The following RTN4 variants were observed in gnomAD, a reference collection of about 807,000 sequenced individuals.
RTN4 encodes the protein reticulon 4.
RTN4 carries 32 observed loss-of-function variants against 90.4 expected under a neutral mutation model. The observed-to-expected ratio is 0.35, with a 90% CI of 0.27 to 0.48. The LOEUF (loss-of-function observed/expected upper bound fraction) is 0.48, where lower values mean the gene tolerates loss of function less well. Among genes scored for constraint, RTN4 ranks in the 20% least tolerant of loss-of-function variants. The probability of loss-of-function intolerance (pLI) is 0.99; values close to 1 mark genes in which losing one functional copy is unlikely to be tolerated. For synonymous variants in RTN4, 629 were observed against 552.5 expected (o/e 1.14, Z -1.94); for missense variants, 1,706 against 1,430.2 (o/e 1.19, Z -3.11).
At position 54,980,607 on chromosome 2, in the gene RTN4, CGTGTTTAT is replaced by C. The variant is rs529480046; in HGVS notation, c.3360+1900_3360+1907del. ...ATGACTTTTGGTGTATCTCTGTTGC[CGTGTTTAT>C]TGAATCTATAAAAACAACAAGCATC... On this transcript the variant is annotated intron_variant, in intron 5 of 8. Coordinates refer to ENST00000337526, the MANE Select transcript of RTN4 (RefSeq NM_020532.5). Among the ~76,000 whole-genome samples, 513 of 152,266 alleles carry C rather than the reference CGTGTTTAT, an allele frequency of 3.4e-3. 9 individuals are homozygous for C. Among genetic ancestry groups the C allele is most frequent in the Non-Finnish European group, 3.0e-3 (206 of 68,018 alleles).
chr2:55,121,922 G>A, the RTN4 span, among the ~76,000 whole-genome samples: 1 of 152,032 alleles, frequency 6.6e-6, no homozygotes, highest in Non-Finnish European at 1.5e-5. Flanking sequence ...CAAAAAGATT[G>A]CTAGAGTACA....
At chr2:55,107,939 C>T (rs1207102387) in intron 1 of RTN4, among the ~76,000 whole-genome samples, 1 of 152,024 alleles carries the variant, frequency 6.6e-6, no homozygotes, top group South Asian at 2.1e-4. Context: ...CACACGTTTC[C>T]CATCCTGTTA....
rs145915356 is a variant in RTN4 at position 55,067,311 on chromosome 2, A to G, written c.-63+13178T>C. On this transcript the variant is annotated intron_variant, in intron 2 of 3. Coordinates refer to the RTN4 transcript ENST00000427710. ...TGCATGTAAAAACACTTTGGAAAGT[A>G]CAAAGCACCATCGAAATGGAGTCAT... Among the ~76,000 whole-genome samples, 519 of 152,336 alleles carry G rather than the reference A, an allele frequency of 3.4e-3. 2 individuals carry two copies. Among genetic ancestry groups the G allele is most frequent in the African/African-American group, 0.012 (490 of 41,574 alleles).
Position 55,029,970 on chromosome 2 carries a change from TGAAATTTGA to T in RTN4, c.557-1759_557-1751del, listed in dbSNP as rs142677549. The stretch of plus-strand genomic sequence containing the variant: ...AATGAATTATTAGCTTGTATAAAAC[TGAAATTTGA>T]GGGTCAAAGAGCAGAACCAAATAAT... On this transcript the variant is annotated intron_variant, in intron 1 of 8. Transcript: ENST00000337526. Among the ~76,000 whole-genome samples the T allele has an allele frequency of 7.3e-3, 1,109 of 152,274 alleles. 11 individuals carry two copies. Among genetic ancestry groups the T allele is most frequent in the Non-Finnish European group, 0.012 (809 of 68,004 alleles).
At chr2:55,098,416 T>C (rs1343884641) in intron 1 of RTN4, among the ~76,000 whole-genome samples, 1 of 152,104 alleles carries the variant, frequency 6.6e-6, no homozygotes, top group Non-Finnish European at 1.5e-5. Context: ...AACAGAATAA[T>C]AATAAACCTC....
chr2:54,992,398 A>G (rs548505638), intron 3 of RTN4, among the ~76,000 whole-genome samples: 1 of 152,364 alleles, frequency 6.6e-6, no homozygotes, highest in South Asian at 2.1e-4. Flanking sequence ...GTAGGCAGAT[A>G]ATTACAACAT....
chr2:55,110,175 G>T (rs1165012879), intron 1 of RTN4, among the ~76,000 whole-genome samples: 1 of 151,962 alleles, frequency 6.6e-6, no homozygotes, highest in Non-Finnish European at 1.5e-5. Context: ...GCCAGGTATG[G>T]TGGCCTATGT....
chr2:54,982,468 A>G (rs1678215745), intron 5 of RTN4, 47 bp downstream of exon 5: 1 of 1,529,588 alleles, frequency 6.5e-7, no homozygotes. Flanking sequence ...AACTCTCTTG[A>G]TACTAAATTC....
chr2:55,102,410 C>T (rs112500265), intron 1 of RTN4, among the ~76,000 whole-genome samples: 2 of 152,182 alleles, frequency 1.3e-5, no homozygotes, highest in South Asian at 2.1e-4. Context: ...TGTTGTTTTA[C>T]GGCAAAACAG....
the RTN4 span, among the ~76,000 whole-genome samples, chr2:55,132,838 T>G: frequency 1.0e-4 from 15 of 148,764 alleles, 1 homozygote; most frequent in African/African-American, 3.0e-4. Context: ...AATTGAAAAT[T>G]AAAAATAAAT....
At chr2:55,059,473 C>T (rs938427382) in intron 2 of RTN4, among the ~76,000 whole-genome samples, 10 of 152,064 alleles carry the variant, frequency 6.6e-5, no homozygotes, top group African/African-American at 2.4e-4. Context: ...CCCACCTCAG[C>T]CTCCGGAGTA....
intron 1 of RTN4, among the ~76,000 whole-genome samples, chr2:55,109,623 G>C (rs750427410): frequency 2.6e-5 from 4 of 151,314 alleles, no homozygotes; most frequent in Non-Finnish European, 5.9e-5. Flanking sequence ...TTTTAGAAAA[G>C]GAAGCACTGG....
At chr2:55,067,688 T>C (rs551474528) in intron 2 of RTN4, among the ~76,000 whole-genome samples, 2 of 152,328 alleles carry the variant, frequency 1.3e-5, no homozygotes, top group South Asian at 2.1e-4. Flanking sequence ...GTGCTGGGAT[T>C]ACAGGCGTGA....
intron 3 of RTN4, among the ~76,000 whole-genome samples, chr2:55,015,182 G>C (rs1680943058): frequency 6.6e-6 from 1 of 152,042 alleles, no homozygotes; most frequent in South Asian, 2.1e-4. Context: ...TGATTGCCCA[G>C]TTCATGGAAG....
At chr2:55,073,186 C>G (rs1668545119) in intron 2 of RTN4, among the ~76,000 whole-genome samples, 1 of 152,220 alleles carries the variant, frequency 6.6e-6, no homozygotes, top group Non-Finnish European at 1.5e-5. Flanking sequence ...AAACCACTTT[C>G]AAAAGTGTAT....
At chr2:55,080,452 G>A (rs886816208) in intron 2 of RTN4, 3 of 152,076 alleles carry the variant, frequency 2.0e-5, no homozygotes, top group African/African-American at 7.2e-5. Flanking sequence ...GACATTCCTT[G>A]TATTTGCATA....
At chr2:55,107,108 T>C (rs559021904) in intron 1 of RTN4, among the ~76,000 whole-genome samples, 2 of 152,048 alleles carry the variant, frequency 1.3e-5, no homozygotes, top group East Asian at 3.9e-4. Flanking sequence ...TTTGATACAT[T>C]TGTCTTAAGA....
At chr2:55,041,840 C>T (rs1683098330) in intron 1 of RTN4, among the ~76,000 whole-genome samples, 1 of 151,920 alleles carries the variant, frequency 6.6e-6, no homozygotes, top group South Asian at 2.1e-4. Flanking sequence ...ACTTTTTTCA[C>T]TTTTATGACT....
At position 54,972,758 on chromosome 2, in the gene RTN4, C is replaced by A. The variant is rs977933167; in HGVS notation, c.*398G>T. 1 of 162,336 alleles carries A rather than the reference C, an allele frequency of 6.2e-6. No individual in the cohort carries two copies. The highest frequency in any genetic ancestry group is 2.4e-5 in the African/African-American group (1 of 41,346). The allele number at this position is 162,336 out of a possible 1,614,324, so 10.1% of individuals were successfully genotyped here. ...TTCATTTCAGAAAATCTGCATCAATCTACACGGACCATACACAGTGCACAA... is the reference window on the plus strand; with the variant it reads ...TTCATTTCAGAAAATCTGCATCAATATACACGGACCATACACAGTGCACAA... On this transcript the variant is annotated 3_prime_UTR_variant, in exon 9 of 9. Transcript: ENST00000337526.
Sources: allele counts gnomAD v4.1 joint callset (sites outside exome capture counted in the v4.1 genomes callset), GRCh38; gene constraint gnomAD v4.1.1; transcripts MANE v1.5; gene names NCBI Gene and HGNC (gene_info 2026-07-23, HGNC 2026-07-21).